The following FASTKD3 variants were observed in gnomAD, a reference collection of about 807,000 sequenced individuals.
FASTKD3 encodes the protein FAST kinase domain-containing protein 3, mitochondrial.
A neutral mutation model predicts 49.7 loss-of-function variants in FASTKD3; 47 were observed. The observed-to-expected ratio is 0.95, with a 90% confidence interval of 0.75 to 1.21. FASTKD3 has a LOEUF of 1.21. Ranked by LOEUF, FASTKD3 falls within the 50% of genes most tolerant of loss-of-function variation. The pLI, the probability that FASTKD3 is intolerant of heterozygous loss-of-function variation, is 0.00. For synonymous variants in FASTKD3, 284 were observed against 288.6 expected, an observed-to-expected ratio of 0.98 and a Z score of 0.16; for missense variants, 748 against 765.7, an observed-to-expected ratio of 0.98 and a Z score of 0.27.
Position 7,866,711 on chromosome 5 carries a change from T to C in FASTKD3, c.1373A>G (p.Asn458Ser). Residue 458 changes from asparagine (N) to serine (S), a missense_variant, in exon 2 of 7, where the codon AAT becomes AGT. Physicochemically the swap from Asn to Ser is conservative, Grantham distance 46. Coordinates refer to ENST00000264669, the MANE Select transcript of FASTKD3 (RefSeq NM_024091.4). ...LLKLLHSCSL[N>S]ECHPVNFLAK... ...CAGAAAGTTGACTGGATGGCATTCA[T>C]TAAGTGAACATGAATGAAGAAGTTT... is the stretch of plus-strand genomic sequence containing the variant. The C allele has an allele frequency of 6.2e-7, 1 of 1,612,706 alleles. No homozygotes were observed. Among genetic ancestry groups the C allele is most frequent in the Non-Finnish European group, 8.5e-7 (1 of 1,179,588 alleles).
intron 1 of FASTKD3, 140 bp downstream of exon 1, chr5:7,868,839 C>T: frequency 5.7e-6 from 3 of 523,158 alleles, no homozygotes; most frequent in South Asian, 4.1e-5. Context: ...AAGGGACCCG[C>T]GGGGCGAGCA....
intron 3 of FASTKD3, among the ~76,000 whole-genome samples, chr5:7,863,658 A>G (rs909444667): frequency 3.3e-5 from 5 of 152,210 alleles, no homozygotes; most frequent in Non-Finnish European, 5.9e-5. Flanking sequence ...CAGTTTAGGA[A>G]GAAAAGGATA....
chr5:7,865,340 CAAGTA>C (rs1025885423), intron 3 of FASTKD3, among the ~76,000 whole-genome samples: 1 of 152,008 alleles, frequency 6.6e-6, no homozygotes, highest in Non-Finnish European at 1.5e-5. Context: ...GATTCAGAGT[CAAGTA>C]GAGAGAAGCA....
intron 2 of FASTKD3, among the ~76,000 whole-genome samples, chr5:7,866,273 T>A (rs1746938868): frequency 6.6e-6 from 1 of 151,504 alleles, no homozygotes; most frequent in South Asian, 2.1e-4. Flanking sequence ...ATTTGACATA[T>A]TTGGGTGGCC....
rs373705268 is a variant in FASTKD3, at chr5:7,863,038, A to G, written c.1525-41T>C. The G allele has an allele frequency of 2.9e-4, 445 of 1,535,048 alleles. 1 individual carries two copies. Among genetic ancestry groups the G allele is most frequent in the Admixed American group, 1.5e-3 (87 of 56,870 alleles). ...TGCAAATGTGAGAAAGAAAAATAAGATATAACAACAGAGAATAAATTGAAG... is the reference window on the plus strand; with the variant it reads ...TGCAAATGTGAGAAAGAAAAATAAGGTATAACAACAGAGAATAAATTGAAG... On this transcript the variant is annotated intron_variant, in intron 3 of 6. Coordinates refer to ENST00000264669, the MANE Select transcript of FASTKD3 (RefSeq NM_024091.4).
chr5:7,864,057 G>A (rs188581229), intron 3 of FASTKD3, among the ~76,000 whole-genome samples: 1 of 152,270 alleles, frequency 6.6e-6, no homozygotes, highest in African/African-American at 2.4e-5. Flanking sequence ...CACCATGTTA[G>A]CAAGGCTGGT....
chr5:7,862,907 A>G lies in FASTKD3; in HGVS notation c.1615T>C (p.Tyr539His). Residue 539 changes from tyrosine to histidine, a missense_variant, in exon 4 of 7, where the codon TAT becomes CAT. Tyr to His is a moderately conservative substitution (Grantham distance 83). Around this residue, in one of 3 missense-constraint regions of FASTKD3, gnomAD observed 178 missense variants for 182.2 expected, o/e 0.98. Coordinates refer to ENST00000264669, the MANE Select transcript of FASTKD3 (RefSeq NM_024091.4). The stretch of plus-strand genomic sequence containing the variant: ...AGGTTAGTCAGCCCAATCTTCACAT[A>G]TCTATAAAGCTGAGAATCCACAGGG... ...ETPVDSQLYR[Y>H]VKIGLTNLLG... is the part of the protein sequence containing the mutation. The G allele has an allele frequency of 6.2e-7, 1 of 1,614,072 alleles. No individual in the cohort carries two copies. The highest frequency in any genetic ancestry group is 1.1e-5 in the South Asian group (1 of 91,074).
intron 4 of FASTKD3, chr5:7,861,992 G>A (rs771306269): frequency 3.0e-4 from 54 of 181,184 alleles, no homozygotes; most frequent in Non-Finnish European, 4.7e-4. Flanking sequence ...GAAAACCCTT[G>A]AGTTAAGACA....
chr5:7,866,034 TGA>T, intron 2 of FASTKD3, 51 bp from the exon 3 acceptor site: 1 of 1,340,038 alleles, frequency 7.5e-7, no homozygotes, highest in South Asian at 1.2e-5. Context: ...GAGGTATGTA[TGA>T]GAGAACATCA....
intron 6 of FASTKD3, 143 bp downstream of exon 6, chr5:7,861,006 T>G (rs1265218191): frequency 1.8e-6 from 1 of 558,860 alleles, no homozygotes; most frequent in African/African-American, 1.9e-5. Flanking sequence ...TCGAGTTTTG[T>G]GCTGTCCAGT....
In FASTKD3 at chr5:7,859,409, CA is replaced by C; in HGVS notation, c.*25del. 2 of 1,418,506 alleles carry C rather than the reference CA, an allele frequency of 1.4e-6. No individual in the cohort carries two copies. The highest frequency in any genetic ancestry group is 9.7e-7 in the Non-Finnish European group (1 of 1,026,302). The allele number at this position is 1,418,506 out of a possible 1,614,324, so 87.9% of individuals were successfully genotyped here. A position where few individuals can be genotyped will look rare whatever the true frequency, so the allele number is the denominator to read the frequency against. ...AGTTCCATAAAAATGCAAGTTCTTC[CA>C]TTGTTTGAGTTCTGAAGTCAGTATT... is the stretch of plus-strand genomic sequence containing the variant. On this transcript the variant is annotated 3_prime_UTR_variant, in exon 7 of 7. Transcript: ENST00000264669.
At chr5:7,865,697 A>T (rs1746896595) in intron 3 of FASTKD3, among the ~76,000 whole-genome samples, 1 of 152,208 alleles carries the variant, frequency 6.6e-6, no homozygotes, top group Admixed American at 6.5e-5. Flanking sequence ...AAGAAATCTT[A>T]AACAGCAGGA....
At chr5:7,861,519 A>G in intron 5 of FASTKD3, 64 bp downstream of exon 5, 1 of 1,185,016 alleles carries the variant, frequency 8.4e-7, no homozygotes, top group Non-Finnish European at 1.1e-6. Flanking sequence ...CTTGAGAAAA[A>G]GATACCGCTG....
At chr5:7,862,713 C>A in intron 4 of FASTKD3, 110 bp downstream of exon 4, 1 of 912,430 alleles carries the variant, frequency 1.1e-6, no homozygotes, top group East Asian at 2.4e-5. Context: ...GGGAAGGGAC[C>A]ATTCCATTTT....
chr5:7,868,928 C>G (rs1747303185), intron 1 of FASTKD3, 51 bp downstream of exon 1: 2 of 651,748 alleles, frequency 3.1e-6, no homozygotes, highest in Non-Finnish European at 5.6e-6. Flanking sequence ...CCGGCCAGGT[C>G]TTTGACACCC....
chr5:7,867,427 A>G lies in FASTKD3; in HGVS notation c.657T>C (p.Cys219=), dbSNP rs1246840693. Residue 219 remains cysteine, a synonymous_variant, in exon 2 of 7, where the codon TGT becomes TGC. Coordinates refer to ENST00000264669, the MANE Select transcript of FASTKD3 (RefSeq NM_024091.4). ...RKGGMEVRNL[C]ILGESLITLH... is the part of the protein sequence containing the mutation. The stretch of plus-strand genomic sequence containing the variant: ...GTGTAATCAGACTTTCCCCAAGAAT[A>G]CAAAGATTGCGAACTTCCATGCCAC... 1.9e-6 allele frequency: 3 copies of G among 1,614,210 alleles called. No individual in the cohort carries two copies. Among genetic ancestry groups the G allele is most frequent in the Non-Finnish European group, 2.5e-6 (3 of 1,180,050 alleles).
chr5:7,863,946 G>T (rs952869398), intron 3 of FASTKD3, among the ~76,000 whole-genome samples: 1 of 152,180 alleles, frequency 6.6e-6, no homozygotes, highest in Non-Finnish European at 1.5e-5. Flanking sequence ...CGCCTCCTGG[G>T]TTGAGCGATT....
chr5:7,862,510 C>T (rs1290072971), intron 4 of FASTKD3, among the ~76,000 whole-genome samples: 1 of 152,076 alleles, frequency 6.6e-6, no homozygotes, highest in Admixed American at 6.5e-5. Context: ...TCCTACGTTC[C>T]AGGTACTATT....
At position 7,867,441 on chromosome 5, in the gene FASTKD3, C is replaced by T; in HGVS notation, c.643G>A (p.Val215Ile). Residue 215 changes from valine to isoleucine, a missense_variant, in exon 2 of 7, where the codon GTT (valine) becomes ATT (isoleucine). Transcript: ENST00000264669. ...QNRLRKGGME[V>I]RNLCILGESL... ...TCCCCAAGAATACAAAGATTGCGAA[C>T]TTCCATGCCACCTTTTCTGAGACGA... is the stretch of plus-strand genomic sequence containing the variant. 6.2e-7 allele frequency: 1 copy of T among 1,614,206 alleles called. No homozygotes were observed. The highest frequency in any genetic ancestry group is 2.2e-5 in the East Asian group (1 of 44,878).
Sources: allele counts gnomAD v4.1 joint callset (sites outside exome capture counted in the v4.1 genomes callset), GRCh38; gene constraint gnomAD v4.1.1; regional missense constraint gnomAD v4.1.1; transcripts MANE v1.5; gene names NCBI Gene and HGNC (gene_info 2026-07-23, HGNC 2026-07-21).